CLVS2: variants seen among roughly 807,000 people sequenced by gnomAD.
CLVS2 encodes the protein clavesin-2.
CLVS2 carries 19 observed loss-of-function variants against 29.0 expected under a neutral mutation model. The ratio of observed to expected loss-of-function variants is 0.66; its 90% CI spans 0.46 to 0.96. The LOEUF is 0.96. CLVS2 is among the 40% of genes least tolerant of loss of function. The probability of loss-of-function intolerance (pLI) is 0.00; values close to 1 mark genes in which losing one functional copy is unlikely to be tolerated. For missense variants in CLVS2, 294 were observed against 404.1 expected (o/e 0.73, Z 2.34); for synonymous variants, 161 against 151.3 (o/e 1.06, Z -0.47).
intron 2 of CLVS2, among the ~76,000 whole-genome samples, chr6:123,000,218 C>T (rs780651169): frequency 3.9e-5 from 6 of 152,104 alleles, no homozygotes; most frequent in African/African-American, 1.4e-4. Flanking sequence ...TGGAAATAAA[C>T]AGGTATAATC....
intron 3 of CLVS2, among the ~76,000 whole-genome samples, chr6:123,027,671 A>G (rs1194641768): frequency 6.6e-6 from 1 of 152,180 alleles, no homozygotes; most frequent in Non-Finnish European, 1.5e-5. Context: ...TGCATAGACT[A>G]GAAGTAAGGG....
At position 123,068,103 on chromosome 6, in the gene CLVS2, CTAA is replaced by C. The variant is rs1409031987; in HGVS notation, c.*4343_*4345del. The C allele has an allele frequency of 5.3e-5, 8 of 151,190 alleles. No homozygotes were observed. Among genetic ancestry groups the C allele is most frequent in the Non-Finnish European group, 1.2e-4 (8 of 67,576 alleles). The allele number at this position is 151,190 out of a possible 1,614,324, so 9.4% of individuals were successfully genotyped here. A position where few individuals can be genotyped will look rare whatever the true frequency, so the allele number is the denominator to read the frequency against. On this transcript the variant is annotated 3_prime_UTR_variant, in exon 6 of 6. Coordinates refer to ENST00000275162, the MANE Select transcript of CLVS2 (RefSeq NM_001010852.4). ...ATAGTGCTGTGGATTCTGTTATGTA[CTAA>C]CTATGGGAATGAATTCTCCAGTACC...
chr6:123,046,658 CAAA>C lies in CLVS2; in HGVS notation c.565-1951_565-1949del, dbSNP rs34421196. On this transcript the variant is annotated intron_variant, in intron 3 of 5. Coordinates refer to ENST00000275162, the MANE Select transcript of CLVS2 (RefSeq NM_001010852.4). Reference sequence around the variant, plus strand: ...TGGTAATAGGAGTGAAACTCAGTCTCAAAAAAAAAAAAAAATAATAATAATAAT... The same window carrying C: ...TGGTAATAGGAGTGAAACTCAGTCTCAAAAAAAAAAAATAATAATAATAAT... Among the ~76,000 whole-genome samples, 824 of 144,134 alleles carry C rather than the reference CAAA, an allele frequency of 5.7e-3. 7 individuals carry two copies. The highest frequency in any genetic ancestry group is 0.015 in the African/African-American group (576 of 39,106). 94.6% of individuals were successfully genotyped at this position (144,134 alleles called of 152,430 possible).
intron 3 of CLVS2, among the ~76,000 whole-genome samples, chr6:123,048,202 G>T (rs1772544741): frequency 6.6e-6 from 1 of 151,684 alleles, no homozygotes; most frequent in Admixed American, 6.6e-5. Flanking sequence ...ACTAGATAGG[G>T]ATTTAATAAA....
In CLVS2 at chr6:123,065,160, A is replaced by T. The variant is rs1011409347; in HGVS notation, c.*1399A>T. 1.4e-4 allele frequency: 21 copies of T among 151,928 alleles called. No individual in the cohort carries two copies. The highest frequency in any genetic ancestry group is 4.3e-4 in the African/African-American group (18 of 41,432). 9.4% of individuals were successfully genotyped at this position (151,928 alleles called of 1,614,324 possible). A position where few individuals can be genotyped will look rare whatever the true frequency, so the allele number is the denominator to read the frequency against. ...CGTGGATTTAGAAATTTGCATATTT[A>T]ACATTTTATTTCATAAAATTTATAC... On this transcript the variant is annotated 3_prime_UTR_variant, in exon 6 of 6. Coordinates refer to ENST00000275162, the MANE Select transcript of CLVS2 (RefSeq NM_001010852.4).
At position 123,065,014 on chromosome 6, in the gene CLVS2, A is replaced by T. The variant is rs1772832382; in HGVS notation, c.*1253A>T. The T allele has an allele frequency of 6.6e-6, 1 of 151,854 alleles. No homozygotes were observed. Among genetic ancestry groups the T allele is most frequent in the Non-Finnish European group, 1.5e-5 (1 of 67,850 alleles). The allele number at this position is 151,854 out of a possible 1,614,324, so 9.4% of individuals were successfully genotyped here. A position where few individuals can be genotyped will look rare whatever the true frequency, so the allele number is the denominator to read the frequency against. On this transcript the variant is annotated 3_prime_UTR_variant, in exon 6 of 6. Transcript: ENST00000275162. ...CAATTTTATTTTCAAATTTAAGTTA[A>T]TTATCTTCGTGATCCTATTTATCCA...
At chr6:123,008,220 T>A (rs1774697136) in intron 2 of CLVS2, among the ~76,000 whole-genome samples, 1 of 152,166 alleles carries the variant, frequency 6.6e-6, no homozygotes, top group Non-Finnish European at 1.5e-5. Flanking sequence ...ATGTAATTTT[T>A]ATAAAAATCA....
At chr6:123,063,554 T>G in intron 5 of CLVS2, 120 bp from the exon 6 acceptor site, 1 of 609,228 alleles carries the variant, frequency 1.6e-6, no homozygotes, top group Non-Finnish European at 2.9e-6. Flanking sequence ...ATTCATAAAT[T>G]TCTTGATATA....
intron 4 of CLVS2, among the ~76,000 whole-genome samples, chr6:123,049,373 A>G (rs1772569282): frequency 6.6e-6 from 1 of 152,154 alleles, no homozygotes; most frequent in South Asian, 2.1e-4. Flanking sequence ...GCACAAGGTA[A>G]ATACTGAACA....
Position 123,048,706 on chromosome 6 carries a change from T to C in CLVS2, c.649T>C (p.Phe217Leu). Reference protein sequence around the residue: ...IHALYTVIRPFLKEKTRKRIF... With the variant: ...IHALYTVIRPLLKEKTRKRIF... Reference sequence around the variant, plus strand: ...TGCCCTGTACACCGTGATCCGGCCTTTCCTGAAGGAGAAAACTCGGAAAAG... The same window carrying C: ...TGCCCTGTACACCGTGATCCGGCCTCTCCTGAAGGAGAAAACTCGGAAAAG... Residue 217 changes from phenylalanine (F) to leucine (L), a missense_variant, in exon 4 of 6, where the codon TTC (phenylalanine) becomes CTC (leucine). Transcript: ENST00000275162. 1.9e-6 allele frequency: 3 copies of C among 1,612,770 alleles called. No individual in the cohort carries two copies. The highest frequency in any genetic ancestry group is 2.5e-6 in the Non-Finnish European group (3 of 1,178,888).
rs1159234044 is a variant in CLVS2, at chr6:123,069,562, C to G, written c.*5801C>G. ...TCAAACTCAGAGGATTTTCTTTACA[C>G]AGGATTCTTGAGGTTATCAAGAATC... On this transcript the variant is annotated 3_prime_UTR_variant, in exon 6 of 6. Coordinates refer to ENST00000275162, the MANE Select transcript of CLVS2 (RefSeq NM_001010852.4). The G allele has an allele frequency of 1.3e-5, 2 of 151,878 alleles. No homozygotes were observed. The highest frequency in any genetic ancestry group is 2.4e-5 in the African/African-American group (1 of 41,484). 9.4% of individuals were successfully genotyped at this position (151,878 alleles called of 1,614,324 possible). A position where few individuals can be genotyped will look rare whatever the true frequency, so the allele number is the denominator to read the frequency against.
Position 123,070,688 on chromosome 6 carries a change from T to C in CLVS2, c.*6927T>C, listed in dbSNP as rs776353579. On this transcript the variant is annotated 3_prime_UTR_variant, in exon 6 of 6. Transcript: ENST00000275162. ...TTTCTGATTGGGCTGGCATTTTTGCTGGTACTATGAAAAAATAGTTGTTAA... is the reference window on the plus strand; with the variant it reads ...TTTCTGATTGGGCTGGCATTTTTGCCGGTACTATGAAAAAATAGTTGTTAA... 2 of 152,066 alleles carry C rather than the reference T, an allele frequency of 1.3e-5. No individual in the cohort carries two copies. The highest frequency in any genetic ancestry group is 2.9e-5 in the Non-Finnish European group (2 of 67,990). 9.4% of individuals were successfully genotyped at this position (152,066 alleles called of 1,614,324 possible). A position where few individuals can be genotyped will look rare whatever the true frequency, so the allele number is the denominator to read the frequency against.
Position 122,997,576 on chromosome 6 carries a change from C to G in CLVS2, c.-202C>G, listed in dbSNP as rs886623243. The G allele has an allele frequency of 6.6e-6, 4 of 604,708 alleles. No individual in the cohort carries two copies. Among genetic ancestry groups the G allele is most frequent in the Middle Eastern group, 4.5e-4 (1 of 2,226 alleles). 37.5% of individuals were successfully genotyped at this position (604,708 alleles called of 1,614,324 possible). A position where few individuals can be genotyped will look rare whatever the true frequency, so the allele number is the denominator to read the frequency against. ...AGGGGGCAGAGGAAGAAGTTTACACCCCCCGGCCCCCCCAGCTTTGCTGGG... is the reference window on the plus strand; with the variant it reads ...AGGGGGCAGAGGAAGAAGTTTACACGCCCCGGCCCCCCCAGCTTTGCTGGG... On this transcript the variant is annotated 5_prime_UTR_variant, in exon 2 of 6. Transcript: ENST00000275162.
chr6:123,059,254 C>G (rs1772741122), intron 5 of CLVS2, among the ~76,000 whole-genome samples: 1 of 152,204 alleles, frequency 6.6e-6, no homozygotes. Context: ...TCTGTTTCCT[C>G]TTCATTCTGG....
chr6:123,018,914 A>G (rs1049213719), intron 3 of CLVS2, among the ~76,000 whole-genome samples: 2 of 152,106 alleles, frequency 1.3e-5, no homozygotes, highest in Admixed American at 6.6e-5. Flanking sequence ...TGCTGTAACA[A>G]ACAAACCAAA....
chr6:123,005,178 T>C (rs1774649793), intron 2 of CLVS2, among the ~76,000 whole-genome samples: 1 of 152,182 alleles, frequency 6.6e-6, no homozygotes, highest in African/African-American at 2.4e-5. Context: ...ATTTTGCAAT[T>C]GTTTTGAGAT....
At chr6:123,044,348 G>C (rs897347821) in intron 3 of CLVS2, among the ~76,000 whole-genome samples, 25 of 152,140 alleles carry the variant, frequency 1.6e-4, no homozygotes, top group Non-Finnish European at 1.0e-4. Flanking sequence ...AACCAAAAGC[G>C]CTTTAGATAG....
chr6:123,061,359 C>T (rs1772776271), intron 5 of CLVS2, among the ~76,000 whole-genome samples: 1 of 151,390 alleles, frequency 6.6e-6, no homozygotes, highest in Non-Finnish European at 1.5e-5. Context: ...TTAATGATAG[C>T]TCCCTCTGCT....
chr6:123,060,891 A>G (rs1772767624), intron 5 of CLVS2, among the ~76,000 whole-genome samples: 2 of 152,254 alleles, frequency 1.3e-5, no homozygotes, highest in South Asian at 2.1e-4. Flanking sequence ...AGTTTCTTAA[A>G]CACTATGTAT....
Sources: allele counts gnomAD v4.1 joint callset (sites outside exome capture counted in the v4.1 genomes callset), GRCh38; gene constraint gnomAD v4.1.1; transcripts MANE v1.5; gene names NCBI Gene and HGNC (gene_info 2026-07-23, HGNC 2026-07-21).